ZNF341: variants seen among roughly 807,000 people sequenced by gnomAD.
The protein encoded by ZNF341 is zinc finger protein 341.
In ZNF341, 52 loss-of-function variants were observed where a neutral mutation model predicts 87.7. The ratio of observed to expected loss-of-function variants is 0.59; its 90% CI spans 0.47 to 0.75. ZNF341 has a LOEUF of 0.75. Among genes scored for constraint, ZNF341 ranks in the 30% least tolerant of loss-of-function variants. ZNF341 has a pLI of 0.00. For synonymous variants in ZNF341, 459 were observed against 472.7 expected (o/e 0.97, Z 0.38); for missense variants, 977 against 1,145.9 (o/e 0.85, Z 2.13).
chr20:33,761,970 C>G lies in ZNF341; in HGVS notation c.1137C>G (p.His379Gln). The G allele has an allele frequency of 1.2e-6, 2 of 1,608,356 alleles. No individual in the cohort carries two copies. Among genetic ancestry groups the G allele is most frequent in the Non-Finnish European group, 1.7e-6 (2 of 1,175,958 alleles). Residue 379 changes from histidine to glutamine, a missense_variant, in exon 8 of 15, where the codon CAC (histidine) becomes CAG (glutamine). His to Gln is a conservative substitution (Grantham distance 24, BLOSUM62 0). Coordinates refer to ENST00000375200, the MANE Select transcript of ZNF341 (RefSeq NM_001282933.2). ...MQTHKVWPPG[H>Q]SGGTVSRNSV... ...CCCACAAGGTGTGGCCTCCAGGACA[C>G]AGTGGTGGCACCGTGTCTCGAAACT...
At chr20:33,747,629 A>C (rs1363989217) in intron 3 of ZNF341, among the ~76,000 whole-genome samples, 3 of 148,204 alleles carry the variant, frequency 2.0e-5, no homozygotes, top group Admixed American at 1.3e-4. Context: ...AAAAAAAAAA[A>C]AAAAAAAAAA....
intron 1 of ZNF341, among the ~76,000 whole-genome samples, chr20:33,739,094 C>T (rs1325487333): frequency 6.6e-6 from 1 of 152,176 alleles, no homozygotes; most frequent in African/African-American, 2.4e-5. Context: ...CTCAGCCTCC[C>T]TAGTAGCTGG....
At chr20:33,781,622 C>T (rs959220039) in intron 11 of ZNF341, among the ~76,000 whole-genome samples, 4 of 152,164 alleles carry the variant, frequency 2.6e-5, no homozygotes, top group African/African-American at 4.8e-5. Context: ...CTGTCCTGGT[C>T]CCAGGCCTAG....
intron 14 of ZNF341, among the ~76,000 whole-genome samples, chr20:33,790,282 A>G (rs1644554613): frequency 6.6e-6 from 1 of 152,084 alleles, no homozygotes; most frequent in African/African-American, 2.4e-5. Context: ...CATGTTGGCT[A>G]GGCTGGTGTC....
intron 10 of ZNF341, among the ~76,000 whole-genome samples, chr20:33,779,655 T>C (rs1459830547): frequency 6.6e-6 from 1 of 152,092 alleles, no homozygotes; most frequent in East Asian, 1.9e-4. Flanking sequence ...TTCACCGTAT[T>C]GGCCAGGCTG....
chr20:33,752,486 C>G (rs2019080596), intron 4 of ZNF341: 1 of 523,342 alleles, frequency 1.9e-6, no homozygotes, highest in Non-Finnish European at 3.7e-6. Context: ...CAGGTCACCA[C>G]CTCATTGATG....
At chr20:33,753,038 C>T (rs1013861463) in intron 4 of ZNF341, 134 bp from the exon 5 acceptor site, 2 of 1,295,636 alleles carry the variant, frequency 1.5e-6, no homozygotes, top group East Asian at 4.6e-5. Context: ...CCCAACCTCT[C>T]TTAGCCCCTC....
chr20:33,789,074 T>A, intron 13 of ZNF341, 100 bp downstream of exon 13: 2 of 819,686 alleles, frequency 2.4e-6, no homozygotes, highest in Non-Finnish European at 1.9e-6. Flanking sequence ...AGGGCAGGCC[T>A]CTCCTTTTTT....
intron 3 of ZNF341, among the ~76,000 whole-genome samples, chr20:33,746,887 G>A (rs1293176100): frequency 6.6e-6 from 1 of 152,224 alleles, no homozygotes; most frequent in Non-Finnish European, 1.5e-5. Flanking sequence ...GGAGGAGGCT[G>A]TGAGGAGAAG....
At chr20:33,740,140 A>G (rs952241963) in intron 1 of ZNF341, among the ~76,000 whole-genome samples, 17 of 152,200 alleles carry the variant, frequency 1.1e-4, no homozygotes, top group Non-Finnish European at 2.5e-4. Context: ...TTGGGATTAC[A>G]GGCGTGAGCC....
chr20:33,757,313 C>G lies in ZNF341; in HGVS notation c.907C>G (p.Arg303Gly), dbSNP rs561674641. ...CTCTCCAGCAACGCTGAAGACCCGA[C>G]GAGCTAAAGGTGCCAGGGGACTCCC... Reference protein sequence around the residue: ...FDSPATLKTRRAKGARGLPEA... With the variant: ...FDSPATLKTRGAKGARGLPEA... Residue 303 changes from arginine to glycine, a missense_variant, in exon 6 of 15, where the codon CGA (arginine) becomes GGA (glycine). Arg to Gly is a moderately radical substitution (Grantham distance 125). This residue lies in a region of ZNF341 where 515 missense variants were observed against 598.2 expected (regional missense o/e 0.86). Transcript: ENST00000375200. 1.3e-6 allele frequency: 2 copies of G among 1,583,896 alleles called. No individual in the cohort carries two copies. Among genetic ancestry groups the G allele is most frequent in the Non-Finnish European group, 8.6e-7 (1 of 1,166,186 alleles).
chr20:33,764,318 C>T (rs948626808), intron 8 of ZNF341, among the ~76,000 whole-genome samples: 7 of 150,730 alleles, frequency 4.6e-5, no homozygotes, highest in Admixed American at 1.3e-4. Context: ...TGAGCCACTG[C>T]GCCTGGCCCC....
At chr20:33,759,809 C>T (rs1196176853) in intron 7 of ZNF341, among the ~76,000 whole-genome samples, 1 of 151,154 alleles carries the variant, frequency 6.6e-6, no homozygotes, top group African/African-American at 2.4e-5. Flanking sequence ...AGAGAACAAA[C>T]CTCACATTCC....
intron 1 of ZNF341, among the ~76,000 whole-genome samples, chr20:33,739,685 C>T (rs2018762784): frequency 6.6e-6 from 1 of 152,150 alleles, no homozygotes; most frequent in South Asian, 2.1e-4. Context: ...AACTGGCTAA[C>T]GTGATTTCTG....
chr20:33,759,984 A>C (rs2019258926), intron 7 of ZNF341, among the ~76,000 whole-genome samples: 1 of 152,216 alleles, frequency 6.6e-6, no homozygotes, highest in Non-Finnish European at 1.5e-5. Context: ...TGCTAGTAGT[A>C]CTGCAGCTAC....
chr20:33,775,143 C>T (rs1290213564), intron 10 of ZNF341, among the ~76,000 whole-genome samples: 1 of 151,586 alleles, frequency 6.6e-6, no homozygotes, highest in African/African-American at 2.4e-5. Context: ...GGAACAACTT[C>T]GGAAGTACAT....
intron 4 of ZNF341, among the ~76,000 whole-genome samples, chr20:33,749,853 A>G (rs2019017271): frequency 6.6e-6 from 1 of 151,852 alleles, no homozygotes; most frequent in South Asian, 2.1e-4. Flanking sequence ...CCCAGGTCCA[A>G]GCAATTCTCC....
intron 14 of ZNF341, 56 bp downstream of exon 14, chr20:33,789,644 T>C: frequency 6.3e-7 from 1 of 1,575,300 alleles, no homozygotes; most frequent in African/African-American, 1.3e-5. Context: ...TTCACTGGGA[T>C]AGACCCGCCA....
intron 9 of ZNF341, 81 bp from the exon 10 acceptor site, chr20:33,770,003 C>T: frequency 2.2e-6 from 2 of 929,474 alleles, no homozygotes; most frequent in Admixed American, 2.0e-5. Context: ...CATCAGTGTC[C>T]AAGGCCAATG....
Sources: allele counts gnomAD v4.1 joint callset (sites outside exome capture counted in the v4.1 genomes callset), GRCh38; gene constraint gnomAD v4.1.1; regional missense constraint gnomAD v4.1.1; transcripts MANE v1.5; gene names NCBI Gene and HGNC (gene_info 2026-07-23, HGNC 2026-07-21).